ADARB1: variants seen among roughly 807,000 people sequenced by gnomAD.
ADARB1 encodes the protein double-stranded RNA-specific editase 1.
Under a neutral mutation model 52.4 loss-of-function variants are expected in ADARB1, and 10 were observed. The ratio of observed to expected loss-of-function variants is 0.19; its 90% CI spans 0.12 to 0.32. The LOEUF (loss-of-function observed/expected upper bound fraction) is 0.32, where lower values mean the gene tolerates loss of function less well. Ranked by LOEUF, ADARB1 falls within the 10% of genes least tolerant of loss-of-function variation. ADARB1 has a pLI of 1.00. For missense variants in ADARB1, 643 were observed against 922.3 expected (o/e 0.70, Z 3.92); for synonymous variants, 349 against 371.1 (o/e 0.94, Z 0.68).
rs960502098 is a variant in ADARB1 at position 45,224,682 on chromosome 21, G to T, written c.*2485G>T. ...TGGGTTCCGGGAGCCCTGGGCCGGG[G>T]CAGGGGGCGGCTGTAGGAAGGAACT... On this transcript the variant is annotated 3_prime_UTR_variant, in exon 11 of 11. Coordinates refer to ENST00000348831, the MANE Select transcript of ADARB1 (RefSeq NM_001112.4). 53 of 894,892 alleles carry T rather than the reference G, an allele frequency of 5.9e-5. 1 individual carries two copies. The South Asian group carries it at 1.7e-3, about 28-fold the overall frequency. 55.4% of individuals were successfully genotyped at this position (894,892 alleles called of 1,614,324 possible). A position where few individuals can be genotyped will look rare whatever the true frequency, so the allele number is the denominator to read the frequency against.
At chr21:45,180,875 A>G (rs1224014713) in intron 5 of ADARB1, among the ~76,000 whole-genome samples, 1 of 152,152 alleles carries the variant, frequency 6.6e-6, no homozygotes, top group African/African-American at 2.4e-5. Flanking sequence ...ATCCGTGGGG[A>G]AAAAAAGCAC....
rs372046293 is a variant in ADARB1, at chr21:45,087,308, GC to G, written c.-220+12517del. ...AGAGGGTTGAGTAAACTCTAGTACA[GC>G]CACACAACCACATCCACTGTTGAGG... On this transcript the variant is annotated intron_variant, in intron 1 of 10. Coordinates refer to ENST00000348831, the MANE Select transcript of ADARB1 (RefSeq NM_001112.4). 9.5e-3 allele frequency among the ~76,000 whole-genome samples: 1,444 copies of G among 152,308 alleles called. 29 individuals carry two copies. Among genetic ancestry groups the G allele is most frequent in the African/African-American group, 0.031 (1,301 of 41,540 alleles).
chr21:45,169,088 C>T (rs1239325839), intron 2 of ADARB1, among the ~76,000 whole-genome samples: 1 of 152,216 alleles, frequency 6.6e-6, no homozygotes. Context: ...CCATCTGGAG[C>T]CTTCACTGGC....
At chr21:45,098,823 G>T (rs2086880239) in intron 1 of ADARB1, among the ~76,000 whole-genome samples, 1 of 152,166 alleles carries the variant, frequency 6.6e-6, no homozygotes, top group South Asian at 2.1e-4. Flanking sequence ...ATATTTGTGT[G>T]TGTTTCTCTT....
At chr21:45,171,911 G>A (rs2091497084) in intron 3 of ADARB1, among the ~76,000 whole-genome samples, 1 of 152,104 alleles carries the variant, frequency 6.6e-6, no homozygotes, top group African/African-American at 2.4e-5. Flanking sequence ...GCATCACTGT[G>A]CCCCGTGGAA....
intron 3 of ADARB1, among the ~76,000 whole-genome samples, chr21:45,175,246 C>T (rs564470046): frequency 7.2e-5 from 11 of 152,192 alleles, no homozygotes; most frequent in South Asian, 4.2e-4. Flanking sequence ...TTCTGAGAGA[C>T]GCTGCAATTT....
rs1240615419 is a variant in ADARB1, at chr21:45,223,529, T to TC, written c.*1333dup. 2 of 985,532 alleles carry TC rather than the reference T, an allele frequency of 2.0e-6. No individual in the cohort carries two copies. The highest frequency in any genetic ancestry group is 2.4e-6 in the Non-Finnish European group (2 of 830,108). The allele number at this position is 985,532 out of a possible 1,614,324, so 61.0% of individuals were successfully genotyped here. ...ATGAAAGAGGAGCTGAGAGAAGTGC[T>TC]CTGCCTGCCAGTGCAGTGCCCAGCT... On this transcript the variant is annotated 3_prime_UTR_variant, in exon 11 of 11. Transcript: ENST00000348831.
chr21:45,165,645 T>A (rs1287081076), intron 2 of ADARB1, among the ~76,000 whole-genome samples: 1 of 152,202 alleles, frequency 6.6e-6, no homozygotes, highest in Non-Finnish European at 1.5e-5. Context: ...CATGCATGAT[T>A]CGCTTGTTGA....
At chr21:45,134,791 G>T (rs757685723) in intron 2 of ADARB1, 1 of 533,756 alleles carries the variant, frequency 1.9e-6, no homozygotes, top group Non-Finnish European at 3.8e-6. Context: ...CCAGGCCCAT[G>T]AGTGATGAAG....
At chr21:45,156,348 T>TATCC (rs2090626132) in intron 2 of ADARB1, among the ~76,000 whole-genome samples, 1 of 40,840 alleles carries the variant, frequency 2.4e-5, no homozygotes, top group Non-Finnish European at 5.1e-5. Context: ...ATCATCCATC[T>TATCC]ATCCATCCAC....
chr21:45,161,513 C>T (rs1446934592), intron 2 of ADARB1, among the ~76,000 whole-genome samples: 1 of 152,234 alleles, frequency 6.6e-6, no homozygotes, highest in African/African-American at 2.4e-5. Context: ...TCGGCACCCC[C>T]AGACTTTGGG....
At chr21:45,194,521 A>C (rs1252506485) in intron 8 of ADARB1, among the ~76,000 whole-genome samples, 2 of 122,748 alleles carry the variant, frequency 1.6e-5, no homozygotes, top group African/African-American at 3.2e-5. Flanking sequence ...CACCCCTCTC[A>C]CCTCCTAACC....
Position 45,220,932 on chromosome 21 carries a change from C to T in ADARB1, c.1844C>T (p.Thr615Met), listed in dbSNP as rs779956688. The T allele has an allele frequency of 3.5e-5, 56 of 1,613,332 alleles. No homozygotes were observed. Among genetic ancestry groups the T allele is most frequent in the Non-Finnish European group, 4.0e-5 (47 of 1,180,044 alleles). ...GDSAIEVINA[T>M]TGKDELGRAS... is the part of the protein sequence containing the mutation. ...TCCGCTATTGAGGTCATCAACGCCA[C>T]GACTGGGAAGGATGAGCTGGGCCGC... The change falls in exon 10 of 11, where the codon ACG becomes ATG. Residue 615 changes from threonine to methionine, a missense_variant. Physicochemically the swap from Thr to Met is moderately conservative, Grantham distance 81 (BLOSUM62 -1). Around this residue, in one of 2 missense-constraint regions of ADARB1, gnomAD observed 263 missense variants for 475.8 expected, o/e 0.55. Coordinates refer to ENST00000348831, the MANE Select transcript of ADARB1 (RefSeq NM_001112.4). This position sits in a 1 kb window ranked among gnomAD's most constrained non-coding sequence, Gnocchi z 6.3.
At position 45,220,017 on chromosome 21, in the gene ADARB1, A is replaced by G. The variant is rs1016452460; in HGVS notation, c.1748-819A>G. ...TTTTTTTTTTTTTTTTGGATTATGC[A>G]TTTTCTTCAGGATTGTCTTTGTAAA... On this transcript the variant is annotated intron_variant, in intron 9 of 10. Transcript: ENST00000348831. This position sits in a 1 kb window ranked among gnomAD's most constrained non-coding sequence, Gnocchi z 6.3. Among the ~76,000 whole-genome samples the G allele has an allele frequency of 1.8e-4, 19 of 106,268 alleles. No individual in the cohort carries two copies. The highest frequency in any genetic ancestry group is 7.2e-4 in the African/African-American group (19 of 26,348). The allele number at this position is 106,268 out of a possible 152,430, so 69.7% of individuals were successfully genotyped here. A position where few individuals can be genotyped will look rare whatever the true frequency, so the allele number is the denominator to read the frequency against.
intron 1 of ADARB1, among the ~76,000 whole-genome samples, chr21:45,094,208 A>C (rs1363688867): frequency 6.6e-6 from 1 of 152,316 alleles, no homozygotes; most frequent in East Asian, 1.9e-4. Context: ...CCAACTCTGC[A>C]AGCAGTTGTC....
At chr21:45,145,434 G>T (rs1162760621) in intron 2 of ADARB1, 2 of 152,250 alleles carry the variant, frequency 1.3e-5, no homozygotes, top group Non-Finnish European at 2.9e-5. Context: ...CTGTAGGAGA[G>T]ATCACTAGCT....
At chr21:45,195,324 A>G (rs2092400326) in intron 8 of ADARB1, among the ~76,000 whole-genome samples, 1 of 152,138 alleles carries the variant, frequency 6.6e-6, no homozygotes, top group South Asian at 2.1e-4. Context: ...TTTATCAGAT[A>G]TGTCTTTTGC....
At chr21:45,199,621 C>G (rs1018238549) in intron 8 of ADARB1, among the ~76,000 whole-genome samples, 1 of 152,194 alleles carries the variant, frequency 6.6e-6, no homozygotes, top group African/African-American at 2.4e-5. Context: ...AGAGCAGTGC[C>G]TGGCAGTTGC....
In ADARB1 at chr21:45,204,573, C is replaced by T. The variant is rs772310643; in HGVS notation, c.1584C>T (p.Ile528=). The T allele has an allele frequency of 1.2e-6, 2 of 1,614,086 alleles. No homozygotes were observed. The highest frequency in any genetic ancestry group is 1.7e-6 in the Non-Finnish European group (2 of 1,179,990). The change falls in exon 9 of 11, where the codon ATC becomes ATT. Residue 528 remains isoleucine, a synonymous_variant. Coordinates refer to ENST00000348831, the MANE Select transcript of ADARB1 (RefSeq NM_001112.4). This position sits in a 1 kb window ranked among gnomAD's most constrained non-coding sequence, Gnocchi z 4.4. ...CCTCCAGCTGGAACGTGGTGGGCAT[C>T]CAGGGATCCCTGCTCAGCATTTTCG... The part of the protein sequence containing the change: ...DKIARWNVVG[I]QGSLLSIFVE...
Sources: allele counts gnomAD v4.1 joint callset (sites outside exome capture counted in the v4.1 genomes callset), GRCh38; gene constraint gnomAD v4.1.1; regional missense constraint gnomAD v4.1.1; non-coding constraint Gnocchi (gnomAD v3.1); transcripts MANE v1.5; gene names NCBI Gene and HGNC (gene_info 2026-07-23, HGNC 2026-07-21).